Variants in DMBT1 observed in about 807,000 individuals in gnomAD.
DMBT1 encodes deleted in malignant brain tumors 1.
DMBT1 carries 198 observed loss-of-function variants against 252.9 expected under a neutral mutation model. The ratio of observed to expected loss-of-function variants is 0.78; its 90% confidence interval spans 0.70 to 0.88. The LOEUF is 0.88. DMBT1 is among the 40% of genes least tolerant of loss of function. DMBT1 has a pLI of 0.00. For missense variants in DMBT1, 2,432 were observed against 2,404.7 expected (o/e 1.01, Z -0.24); for synonymous variants, 990 against 942.7 (o/e 1.05, Z -0.92).
Position 122,640,102 on chromosome 10 carries a change from C to A in DMBT1, c.7005C>A (p.Ile2335=). 6.2e-7 allele frequency: 1 copy of A among 1,614,068 alleles called. No homozygotes were observed. The change falls in exon 55 of 56, where the codon ATC becomes ATA. Residue 2335 remains isoleucine, a synonymous_variant. Coordinates refer to ENST00000338354, the MANE Select transcript of DMBT1 (RefSeq NM_001377530.1). ...FLTAAVSGGI[I]KRRTDLRIHV... Reference sequence around the variant, plus strand: ...CAGCAGCTGTCTCAGGTGGCATCATCAAGAGGAGGACAGACCTCCGTATTC... The same window carrying A: ...CAGCAGCTGTCTCAGGTGGCATCATAAAGAGGAGGACAGACCTCCGTATTC...
intron 52 of DMBT1, 147 bp downstream of exon 52, chr10:122,633,488 G>A (rs1403816356): frequency 7.1e-7 from 1 of 1,398,666 alleles, no homozygotes. Flanking sequence ...AGCCAGGAGA[G>A]AAGTTTGCTG....
At chr10:122,626,259 T>A (rs1030797767) in intron 46 of DMBT1, among the ~76,000 whole-genome samples, 5 of 152,256 alleles carry the variant, frequency 3.3e-5, no homozygotes, top group African/African-American at 1.2e-4. Context: ...ATGTCATTTT[T>A]ATTTCACCAT....
intron 8 of DMBT1, among the ~76,000 whole-genome samples, chr10:122,578,466 G>A (rs529378884): frequency 2.0e-5 from 3 of 152,252 alleles, no homozygotes; most frequent in African/African-American, 4.8e-5. Context: ...GTGGGGGATG[G>A]GGGTGGTGAA....
chr10:122,622,924 G>A (rs912476162), intron 44 of DMBT1, among the ~76,000 whole-genome samples: 4 of 152,112 alleles, frequency 2.6e-5, no homozygotes, highest in Non-Finnish European at 4.4e-5. Flanking sequence ...GCTGGTTGAC[G>A]TTACCCCTCT....
chr10:122,625,832 C>T, intron 45 of DMBT1, 101 bp from the exon 46 acceptor site: 3 of 988,134 alleles, frequency 3.0e-6, no homozygotes, highest in Non-Finnish European at 4.9e-6. Context: ...CTGAGAAGTC[C>T]TGTACTAAGG....
Position 122,598,930 on chromosome 10 carries a change from G to T in DMBT1, c.3113G>T (p.Trp1038Leu). ...NVVCRQLGCG[W>L]AMSAPGNARF... ...GTCTGCAGGCAACTGGGCTGTGGCT[G>T]GGCCATGTCAGCCCCAGGAAATGCC... Residue 1038 changes from tryptophan (W) to leucine (L), a missense_variant, in exon 26 of 56, where the codon TGG becomes TTG. Coordinates refer to ENST00000338354, the MANE Select transcript of DMBT1 (RefSeq NM_001377530.1). 2 of 1,613,804 alleles carry T rather than the reference G, an allele frequency of 1.2e-6. No individual in the cohort carries two copies. The highest frequency in any genetic ancestry group is 1.7e-6 in the Non-Finnish European group (2 of 1,179,754).
chr10:122,598,770 G>A lies in DMBT1; in HGVS notation c.2957-4G>A, dbSNP rs1283772208. 16 of 1,612,934 alleles carry A rather than the reference G, an allele frequency of 9.9e-6. No individual in the cohort carries two copies. Among genetic ancestry groups the A allele is most frequent in the Non-Finnish European group, 1.2e-5 (14 of 1,179,730 alleles). On this transcript the variant is annotated splice_polypyrimidine_tract_variant and splice_region_variant and intron_variant, in intron 25 of 55. Coordinates refer to ENST00000338354, the MANE Select transcript of DMBT1 (RefSeq NM_001377530.1). ...GGATGAAGGATTCTTGTGTTCCCCT[G>A]TAGGATCTGAATCCAGTTTGGCCCT... is the stretch of plus-strand genomic sequence containing the variant.
chr10:122,632,847 C>A lies in DMBT1; in HGVS notation c.6368-14C>A. 1 of 1,613,552 alleles carries A rather than the reference C, an allele frequency of 6.2e-7. No homozygotes were observed. Among genetic ancestry groups the A allele is most frequent in the Non-Finnish European group, 8.5e-7 (1 of 1,179,728 alleles). On this transcript the variant is annotated splice_polypyrimidine_tract_variant and intron_variant, in intron 50 of 55. Coordinates refer to ENST00000338354, the MANE Select transcript of DMBT1 (RefSeq NM_001377530.1). ...GCCAGAAAACTGATCCTGATCTTTT[C>A]TTTTTGTCAACAGCTCCTTTTCTCA...
At chr10:122,635,794 G>T (rs1481156301) in intron 52 of DMBT1, among the ~76,000 whole-genome samples, 197 bp from the exon 53 acceptor site, 2 of 152,146 alleles carry the variant, frequency 1.3e-5, no homozygotes, top group Non-Finnish European at 2.9e-5. Flanking sequence ...GACCTCAGAT[G>T]ATCCACCTGC....
chr10:122,567,407 C>A (rs1057057927), intron 2 of DMBT1, among the ~76,000 whole-genome samples: 3 of 152,154 alleles, frequency 2.0e-5, no homozygotes, highest in South Asian at 2.1e-4. Flanking sequence ...GGATTATGTC[C>A]CTGAGACTGG....
rs2133504809 is a variant in DMBT1, at chr10:122,565,964, C to T, written c.62-3C>T. 11 of 1,613,794 alleles carry T rather than the reference C, an allele frequency of 6.8e-6. No individual in the cohort carries two copies. Among genetic ancestry groups the T allele is most frequent in the Non-Finnish European group, 9.3e-6 (11 of 1,179,740 alleles). On this transcript the variant is annotated splice_polypyrimidine_tract_variant and splice_region_variant and intron_variant, in intron 1 of 55. Coordinates refer to ENST00000338354, the MANE Select transcript of DMBT1 (RefSeq NM_001377530.1). ...TTCTAAGACGAATTTGTGTTCTTTC[C>T]AGGTGGGTGGATCCCAAGGACTACA...
intron 1 of DMBT1, 135 bp downstream of exon 1, chr10:122,560,966 G>T: frequency 3.4e-6 from 2 of 589,744 alleles, no homozygotes; most frequent in Non-Finnish European, 5.8e-6. Flanking sequence ...AATTGTAATT[G>T]TTTGCAGGTA....
At chr10:122,574,697 C>T (rs2097696535) in intron 6 of DMBT1, among the ~76,000 whole-genome samples, 1 of 152,192 alleles carries the variant, frequency 6.6e-6, no homozygotes, top group South Asian at 2.1e-4. Flanking sequence ...GTTCCTTCCT[C>T]TTGAGTGGTT....
rs769606329 is a variant in DMBT1, at chr10:122,599,106, T to C, written c.3280+9T>C. 3.7e-6 allele frequency: 6 copies of C among 1,613,822 alleles called. 1 individual carries two copies. The South Asian group carries it at 4.4e-5, about 12-fold the overall frequency. On this transcript the variant is annotated intron_variant, in intron 26 of 55. Coordinates refer to ENST00000338354, the MANE Select transcript of DMBT1 (RefSeq NM_001377530.1). ...TGGTGTCATCTGCTCAGGTGGGCCT[T>C]CAAGAACTTGGGATCACTCTCTTGG... is the stretch of plus-strand genomic sequence containing the variant.
At chr10:122,587,070 A>C (rs981172473) in intron 16 of DMBT1, among the ~76,000 whole-genome samples, 2 of 148,414 alleles carry the variant, frequency 1.3e-5, no homozygotes, top group Admixed American at 6.7e-5. Flanking sequence ...ATGGCACATC[A>C]AGCCTCACCT....
Position 122,585,261 on chromosome 10 carries a change from G to T in DMBT1, c.1421-10G>T, listed in dbSNP as rs934921762. The stretch of plus-strand genomic sequence containing the variant: ...TTTAATTCTAGCCTTTGTCTCTGTT[G>T]CAATTACAGACACGTTGCCGACCAT... On this transcript the variant is annotated splice_polypyrimidine_tract_variant and intron_variant, in intron 14 of 55. Coordinates refer to ENST00000338354, the MANE Select transcript of DMBT1 (RefSeq NM_001377530.1). The T allele has an allele frequency of 6.3e-7, 1 of 1,586,018 alleles. No homozygotes were observed. The highest frequency in any genetic ancestry group is 1.7e-5 in the Admixed American group (1 of 59,496).
At chr10:122,573,146 A>G (rs965332643) in intron 5 of DMBT1, among the ~76,000 whole-genome samples, 1 of 152,158 alleles carries the variant, frequency 6.6e-6, no homozygotes, top group Non-Finnish European at 1.5e-5. Flanking sequence ...TGTCATTTGG[A>G]GTGTGGGCTG....
rs1214680012 is a variant in DMBT1, at chr10:122,630,280, C to T, written c.5823-8C>T. 3.1e-6 allele frequency: 5 copies of T among 1,611,800 alleles called. No individual in the cohort carries two copies. Among genetic ancestry groups the T allele is most frequent in the East Asian group, 4.5e-5 (2 of 44,840 alleles). On this transcript the variant is annotated splice_region_variant and splice_polypyrimidine_tract_variant and intron_variant, in intron 47 of 55. Transcript: ENST00000338354. Reference sequence around the variant, plus strand: ...CAATGTTGACTTGAATACATTTTCTCCATACAGATTGGAGGCACACCATAA... The same window carrying T: ...CAATGTTGACTTGAATACATTTTCTTCATACAGATTGGAGGCACACCATAA...
At chr10:122,561,533 G>C (rs910594170) in intron 1 of DMBT1, among the ~76,000 whole-genome samples, 1 of 150,116 alleles carries the variant, frequency 6.7e-6, no homozygotes, top group Non-Finnish European at 1.5e-5. Flanking sequence ...GTGATTCTCA[G>C]TTTGCCTATT....
Sources: allele counts gnomAD v4.1 joint callset (sites outside exome capture counted in the v4.1 genomes callset), GRCh38; gene constraint gnomAD v4.1.1; transcripts MANE v1.5; gene names NCBI Gene and HGNC (gene_info 2026-07-23, HGNC 2026-07-21).